TLE2: variants seen among roughly 807,000 people sequenced by gnomAD.
TLE2 encodes the protein transducin-like enhancer protein 2.
In TLE2, 74 loss-of-function variants were observed where a neutral mutation model predicts 97.2. That is an observed-to-expected ratio of 0.76 (90% confidence interval 0.63 to 0.92). The LOEUF is 0.92. Ranked by LOEUF, TLE2 falls within the 40% of genes least tolerant of loss-of-function variation. The pLI, the probability that TLE2 is intolerant of heterozygous loss-of-function variation, is 0.00. For synonymous variants in TLE2, 499 were observed against 432.1 expected, an observed-to-expected ratio of 1.15 and a Z score of -1.92; for missense variants, 1,038 against 1,008.7, an observed-to-expected ratio of 1.03 and a Z score of -0.39.
chr19:3,011,725 C>T (rs984903460), intron 11 of TLE2, among the ~76,000 whole-genome samples: 2 of 151,772 alleles, frequency 1.3e-5, no homozygotes, highest in African/African-American at 2.4e-5. Flanking sequence ...TGGCGCATGC[C>T]TGTAATTCCA....
At chr19:3,010,990 T>A in intron 12 of TLE2, 32 bp downstream of exon 12, 2 of 1,589,116 alleles carry the variant, frequency 1.3e-6, no homozygotes, top group Non-Finnish European at 1.7e-6. Context: ...CGAGGCCTGC[T>A]CCAGACAGGC....
intron 1 of TLE2, among the ~76,000 whole-genome samples, chr19:3,042,069 G>C (rs1378619249): frequency 1.3e-5 from 2 of 151,810 alleles, no homozygotes; most frequent in African/African-American, 4.8e-5. Flanking sequence ...CAGCAGGGGA[G>C]TGAGGGGATT....
At chr19:3,029,381 G>A (rs1772074614), upstream of TLE2, among the ~76,000 whole-genome samples, 1 of 133,522 alleles carries the variant, frequency 7.5e-6, no homozygotes, top group African/African-American at 2.7e-5. Context: ...CCCCGCGCCC[G>A]CGCCCCCCCC....
chr19:3,033,744 G>A (rs942441021), upstream of TLE2, among the ~76,000 whole-genome samples: 2 of 152,122 alleles, frequency 1.3e-5, no homozygotes, highest in Admixed American at 1.3e-4. Flanking sequence ...CTAAGCACAG[G>A]TGTGGTGGCT....
intron 9 of TLE2, 46 bp from the exon 10 acceptor site, chr19:3,014,660 C>T: frequency 6.6e-7 from 1 of 1,526,208 alleles, no homozygotes; most frequent in Non-Finnish European, 8.8e-7. Flanking sequence ...ATGCCCCTGC[C>T]TCCACACCCC....
At chr19:3,034,189 G>T (rs1382306939), upstream of TLE2, among the ~76,000 whole-genome samples, 1 of 151,798 alleles carries the variant, frequency 6.6e-6, no homozygotes, top group East Asian at 1.9e-4. Context: ...CCAACACCTG[G>T]CCTGCAACCC....
At chr19:3,011,218 G>C (rs2089588673) in intron 11 of TLE2, 58 bp from the exon 12 acceptor site, 6 of 1,502,026 alleles carry the variant, frequency 4.0e-6, no homozygotes, top group South Asian at 2.7e-5. Flanking sequence ...GTGGCCCAAC[G>C]ATCTGATCAG....
intron 1 of TLE2, among the ~76,000 whole-genome samples, chr19:3,040,350 G>T (rs558697164): frequency 6.7e-5 from 10 of 150,358 alleles, no homozygotes; most frequent in African/African-American, 1.5e-4. Context: ...ACGTTTGTTT[G>T]TTTTTTTTTT....
At chr19:3,023,910 A>C (rs1568247586) in intron 5 of TLE2, among the ~76,000 whole-genome samples, 3 of 103,986 alleles carry the variant, frequency 2.9e-5, no homozygotes, top group African/African-American at 1.0e-4. Flanking sequence ...ACACACACAA[A>C]AGAAAAGAAA....
intron 1 of TLE2, among the ~76,000 whole-genome samples, chr19:3,045,487 C>G (rs2090134910): frequency 6.6e-6 from 1 of 152,144 alleles, no homozygotes; most frequent in African/African-American, 2.4e-5. Context: ...CCCCACCAGT[C>G]AGTGAGTCCA....
intron 1 of TLE2, among the ~76,000 whole-genome samples, chr19:3,039,747 C>T (rs922762572): frequency 9.2e-5 from 14 of 152,206 alleles, no homozygotes; most frequent in Non-Finnish European, 7.3e-5. Flanking sequence ...CCCAGCATGA[C>T]GGACGCGATG....
At chr19:3,009,829 G>A in intron 12 of TLE2, 127 bp from the exon 13 acceptor site, 2 of 1,152,610 alleles carry the variant, frequency 1.7e-6, no homozygotes, top group East Asian at 2.6e-5. Flanking sequence ...GCCATAGCCT[G>A]GGACACCTCC....
In TLE2 at chr19:3,019,417, G is replaced by C. The variant is rs1178797918; in HGVS notation, c.416C>G (p.Thr139Ser). Residue 139 changes from threonine (T) to serine (S), a missense_variant, in exon 7 of 20, where the codon ACC becomes AGC. Physicochemically the swap from Thr to Ser is moderately conservative, Grantham distance 58. Transcript: ENST00000262953. The surrounding 1 kb of genome is among the most constrained non-coding windows in gnomAD (Gnocchi z 5.1). ...LSHHAPPVPLTPRPAGLVGGS... is the reference protein window; with the variant it reads ...LSHHAPPVPLSPRPAGLVGGS... The stretch of plus-strand genomic sequence containing the variant: ...GCCCACCAGCCCGGCTGGGCGGGGG[G>C]TGAGGGGCACAGGGGGTGCGTGGTG... The C allele has an allele frequency of 6.5e-7, 1 of 1,538,252 alleles. No individual in the cohort carries two copies. The highest frequency in any genetic ancestry group is 2.4e-5 in the East Asian group (1 of 41,086).
upstream of TLE2, chr19:3,045,936 C>T: frequency 3.4e-6 from 1 of 294,152 alleles, no homozygotes; most frequent in South Asian, 2.9e-5. Flanking sequence ...GTAAAACAGA[C>T]CCTCCTTCAG....
chr19:3,015,951 G>GT, intron 8 of TLE2, 191 bp from the exon 9 acceptor site: 1 of 659,574 alleles, frequency 1.5e-6, no homozygotes, highest in South Asian at 1.5e-5. Flanking sequence ...GTTTTGTTTT[G>GT]TTTTTGACGG....
chr19:3,018,852 A>G (rs1345402042), intron 7 of TLE2, among the ~76,000 whole-genome samples: 4 of 152,046 alleles, frequency 2.6e-5, no homozygotes, highest in Non-Finnish European at 4.4e-5. Context: ...TCCTGGCCTC[A>G]GGTGATCCAG....
chr19:3,017,923 C>T (rs572020345), intron 7 of TLE2, 64 bp from the exon 8 acceptor site: 61 of 1,527,994 alleles, frequency 4.0e-5, no homozygotes, highest in South Asian at 2.3e-4. Context: ...GTATCCACGG[C>T]GCCAGAGGGT....
intron 14 of TLE2, among the ~76,000 whole-genome samples, chr19:3,008,442 T>G (rs1393422302): frequency 7.2e-6 from 1 of 139,500 alleles, no homozygotes; most frequent in East Asian, 2.1e-4. Context: ...GCAAGAGACT[T>G]TTTTTCTTTT....
At chr19:3,025,607 G>A (rs1280645161) in intron 4 of TLE2, 1 of 985,036 alleles carries the variant, frequency 1.0e-6, no homozygotes, top group Non-Finnish European at 1.2e-6. Context: ...TCAAGGGAAG[G>A]ATTTCATCTG....
Sources: allele counts gnomAD v4.1 joint callset (sites outside exome capture counted in the v4.1 genomes callset), GRCh38; gene constraint gnomAD v4.1.1; non-coding constraint Gnocchi (gnomAD v3.1); transcripts MANE v1.5; gene names NCBI Gene and HGNC (gene_info 2026-07-23, HGNC 2026-07-21).